DLGAP2: variants seen among roughly 807,000 people sequenced by gnomAD.
DLGAP2 encodes DLG associated protein 2.
A neutral mutation model predicts 100.3 loss-of-function variants in DLGAP2; 26 were observed. The ratio of observed to expected loss-of-function variants is 0.26; its 90% CI spans 0.19 to 0.36. The LOEUF (loss-of-function observed/expected upper bound fraction) is 0.36, where lower values mean the gene tolerates loss of function less well. Ranked by LOEUF, DLGAP2 falls within the 10% of genes least tolerant of loss-of-function variation. The pLI, the probability that DLGAP2 is intolerant of heterozygous loss-of-function variation, is 1.00. For missense variants in DLGAP2, 1,858 were observed against 1,453.2 expected (o/e 1.28, Z -4.53); for synonymous variants, 886 against 630.1 (o/e 1.41, Z -6.08).
At chr8:1,374,106 A>G (rs9772049) in intron 3 of DLGAP2, among the ~76,000 whole-genome samples, 43,776 of 135,078 alleles carry the variant, frequency 0.32, 7,385 homozygotes, top group African/African-American at 0.45. Context: ...TTTGCAGAGG[A>G]CTGTGTGGTG....
intron 2 of DLGAP2, among the ~76,000 whole-genome samples, chr8:946,529 C>T (rs1330801006): frequency 6.6e-6 from 1 of 152,194 alleles, no homozygotes; most frequent in Non-Finnish European, 1.5e-5. Flanking sequence ...TCCCAAAGTG[C>T]TGGGATTACA....
intron 2 of DLGAP2, among the ~76,000 whole-genome samples, chr8:1,164,400 C>A (rs1336630775): frequency 6.7e-6 from 1 of 149,958 alleles, no homozygotes; most frequent in African/African-American, 2.4e-5. Flanking sequence ...CAGGGCCCGT[C>A]GTTTTGGTTT....
At chr8:1,304,305 C>T (rs1264655106) in intron 3 of DLGAP2, among the ~76,000 whole-genome samples, 1 of 152,196 alleles carries the variant, frequency 6.6e-6, no homozygotes, top group Non-Finnish European at 1.5e-5. Context: ...GTGGCAGGTG[C>T]AGCTGGCCCT....
intron 1 of DLGAP2, among the ~76,000 whole-genome samples, chr8:827,881 A>G (rs552026670): frequency 6.6e-6 from 1 of 152,330 alleles, no homozygotes; most frequent in Non-Finnish European, 1.5e-5. Flanking sequence ...GGCTTGAGAA[A>G]TAAAAGGACA....
intron 3 of DLGAP2, among the ~76,000 whole-genome samples, chr8:1,458,048 A>G (rs1240111622): frequency 1.4e-5 from 2 of 145,844 alleles, no homozygotes; most frequent in African/African-American, 5.0e-5. Context: ...AATTATATAT[A>G]TATATATGTA....
At chr8:1,111,394 T>C (rs1249281995) in intron 2 of DLGAP2, among the ~76,000 whole-genome samples, 1 of 152,114 alleles carries the variant, frequency 6.6e-6, no homozygotes, top group African/African-American at 2.4e-5. Flanking sequence ...GTTTCTTTTT[T>C]TTTTCTTTTT....
At chr8:965,619 CA>C (rs1404060064) in intron 2 of DLGAP2, among the ~76,000 whole-genome samples, 31 of 131,696 alleles carry the variant, frequency 2.4e-4, no homozygotes, top group African/African-American at 7.0e-4. Flanking sequence ...TCTGGCCCCG[CA>C]CTGCACACGG....
At chr8:1,563,568 C>G (rs867378296) in intron 5 of DLGAP2, among the ~76,000 whole-genome samples, 16 of 141,930 alleles carry the variant, frequency 1.1e-4, no homozygotes, top group South Asian at 4.7e-4. Context: ...CTCGTTGCTG[C>G]GGGACTGTGT....
At chr8:1,126,267 G>A (rs1439015780) in intron 2 of DLGAP2, among the ~76,000 whole-genome samples, 1 of 152,162 alleles carries the variant, frequency 6.6e-6, no homozygotes, top group Non-Finnish European at 1.5e-5. Flanking sequence ...TAAGTAGGTA[G>A]GTCCTTGAAA....
Position 818,348 on chromosome 8 carries a change from C to G in DLGAP2, c.18+80523C>G, listed in dbSNP as rs1028744829. 2.6e-5 allele frequency among the ~76,000 whole-genome samples: 4 copies of G among 152,166 alleles called. No homozygotes were observed. In the South Asian group the frequency reaches 8.3e-4, roughly 32 times the overall value. On this transcript the variant is annotated intron_variant, in intron 1 of 14. Transcript: ENST00000637795. ...CGCTGTCCTAAAGGTTGGTCTAACT[C>G]CCACCGTGCCCCACCAACAGTACCG...
At chr8:1,527,023 G>A (rs1012030560) in intron 4 of DLGAP2, among the ~76,000 whole-genome samples, 3 of 152,084 alleles carry the variant, frequency 2.0e-5, no homozygotes, top group Non-Finnish European at 4.4e-5. Flanking sequence ...CGTCTACATT[G>A]CAGGCTCACG....
intron 2 of DLGAP2, chr8:1,104,921 G>A (rs1334825064): frequency 6.6e-6 from 1 of 152,238 alleles, no homozygotes; most frequent in Non-Finnish European, 1.5e-5. Flanking sequence ...TCTTAGCAGA[G>A]GAGAAAATCT....
At chr8:1,198,909 C>T (rs986530865) in intron 2 of DLGAP2, among the ~76,000 whole-genome samples, 2 of 152,228 alleles carry the variant, frequency 1.3e-5, no homozygotes, top group Non-Finnish European at 2.9e-5. Flanking sequence ...AGGGTGGCAG[C>T]GGGCGTGTGT....
At chr8:1,161,140 T>A (rs1451885) in intron 2 of DLGAP2, among the ~76,000 whole-genome samples, 1 of 152,142 alleles carries the variant, frequency 6.6e-6, no homozygotes, top group African/African-American at 2.4e-5. Flanking sequence ...TAGAAAACGG[T>A]CTTACATTTA....
chr8:1,287,124 G>A lies in DLGAP2; in HGVS notation c.106+28241G>A, dbSNP rs556454900. Among the ~76,000 whole-genome samples, 1,102 of 148,506 alleles carry A rather than the reference G, an allele frequency of 7.4e-3. 21 individuals carry two copies. The highest frequency in any genetic ancestry group is 0.014 in the Middle Eastern group (4 of 290). ...CATGGTTAAGAGGGGAACTAGTTTC[G>A]GTTCAGCGTGTGTGTGTGTGTGTGT... On this transcript the variant is annotated intron_variant, in intron 3 of 14. Coordinates refer to ENST00000637795, the MANE Select transcript of DLGAP2 (RefSeq NM_001346810.2).
intron 2 of DLGAP2, among the ~76,000 whole-genome samples, chr8:1,256,279 T>C (rs1338416342): frequency 9.0e-5 from 12 of 133,730 alleles, no homozygotes; most frequent in South Asian, 2.7e-4. Context: ...GTGCTGTGTG[T>C]GTGTCCTCTC....
chr8:1,267,244 T>TAAAATA (rs1250780172), intron 3 of DLGAP2, among the ~76,000 whole-genome samples: 1 of 138,694 alleles, frequency 7.2e-6, no homozygotes, highest in South Asian at 2.4e-4. Context: ...AATAAATAAA[T>TAAAATA]AAATAAAATA....
At chr8:1,438,787 T>C (rs1002650976) in intron 3 of DLGAP2, among the ~76,000 whole-genome samples, 1 of 152,188 alleles carries the variant, frequency 6.6e-6, no homozygotes, top group Admixed American at 6.6e-5. Flanking sequence ...TCTAAAGATA[T>C]GTTGCTGGTT....
chr8:1,473,229 C>A (rs922161897), intron 3 of DLGAP2, among the ~76,000 whole-genome samples: 2 of 152,214 alleles, frequency 1.3e-5, no homozygotes, highest in African/African-American at 4.8e-5. Context: ...CCGTGCCCAG[C>A]CCACAAATGA....
Sources: gnomAD v4.1 joint callset for allele counts (sites outside exome capture counted in the v4.1 genomes callset) on GRCh38, gnomAD v4.1.1 for gene constraint, MANE v1.5 for transcripts, NCBI Gene and HGNC (gene_info 2026-07-23, HGNC 2026-07-21) for gene names.